Variants in HSD17B12 observed in about 807,000 individuals in gnomAD.
The protein encoded by HSD17B12 is hydroxysteroid 17-beta dehydrogenase 12, also known as very-long-chain 3-oxoacyl-CoA reductase.
In HSD17B12, 32 loss-of-function variants were observed where a neutral mutation model predicts 39.3. The ratio of observed to expected loss-of-function variants is 0.81; its 90% CI spans 0.61 to 1.09. HSD17B12 has a LOEUF of 1.09. Ranked by LOEUF, HSD17B12 falls within the 50% of genes least tolerant of loss-of-function variation. HSD17B12 has a pLI of 0.00. For missense variants in HSD17B12, 342 were observed against 382.9 expected (o/e 0.89, Z 0.89); for synonymous variants, 150 against 146.7 (o/e 1.02, Z -0.16).
chr11:43,669,825 G>A, the HSD17B12 span, among the ~76,000 whole-genome samples: 1 of 152,148 alleles, frequency 6.6e-6, no homozygotes, highest in African/African-American at 2.4e-5. Context: ...CATCTGCAAA[G>A]ACCTTATTTC....
chr11:43,765,901 T>G (rs1950591036), intron 3 of HSD17B12, among the ~76,000 whole-genome samples: 1 of 152,192 alleles, frequency 6.6e-6, no homozygotes, highest in South Asian at 2.1e-4. Flanking sequence ...TGGCACTATC[T>G]CGGCTCACTG....
the HSD17B12 span, among the ~76,000 whole-genome samples, chr11:43,579,997 G>A: frequency 6.6e-6 from 1 of 151,978 alleles, no homozygotes; most frequent in African/African-American, 2.4e-5. Flanking sequence ...TTCCCCCACT[G>A]GGGGACTATA....
At chr11:43,771,494 T>G (rs1471795825) in intron 3 of HSD17B12, among the ~76,000 whole-genome samples, 1 of 120,988 alleles carries the variant, frequency 8.3e-6, no homozygotes, top group African/African-American at 3.3e-5. Context: ...TGAGACAGAG[T>G]ATCGCTCTGT....
chr11:43,843,976 T>C (rs186834904), intron 9 of HSD17B12, among the ~76,000 whole-genome samples: 1 of 152,354 alleles, frequency 6.6e-6, no homozygotes, highest in African/African-American at 2.4e-5. Context: ...ACTCTGGTTG[T>C]GCATGGTCAA....
chr11:43,706,808 T>C (rs1950020772), intron 1 of HSD17B12, among the ~76,000 whole-genome samples: 2 of 151,988 alleles, frequency 1.3e-5, no homozygotes, highest in African/African-American at 4.8e-5. Context: ...ACACTTCCTG[T>C]GTTTAAGGTA....
At chr11:43,608,126 T>C in the HSD17B12 span, among the ~76,000 whole-genome samples, 1 of 152,140 alleles carries the variant, frequency 6.6e-6, no homozygotes, top group Non-Finnish European at 1.5e-5. Context: ...CCCAATACTT[T>C]GGGAGGCTGA....
the HSD17B12 span, among the ~76,000 whole-genome samples, chr11:43,671,599 A>C: frequency 1.3e-5 from 2 of 152,268 alleles, no homozygotes; most frequent in Non-Finnish European, 2.9e-5. Flanking sequence ...AATAAAGAAA[A>C]CCAGTTAATG....
chr11:43,594,881 T>G, the HSD17B12 span, among the ~76,000 whole-genome samples: 1 of 151,792 alleles, frequency 6.6e-6, no homozygotes, highest in Admixed American at 6.6e-5. Flanking sequence ...ATTTAAACAT[T>G]TCTTTTTCCT....
the HSD17B12 span, chr11:43,584,518 T>A: frequency 6.6e-6 from 1 of 152,406 alleles, no homozygotes; most frequent in Admixed American, 6.5e-5. Flanking sequence ...ATTCTCCTTC[T>A]GAGACAGCAG....
chr11:43,824,114 G>A (rs1951209584), intron 6 of HSD17B12, among the ~76,000 whole-genome samples: 1 of 152,120 alleles, frequency 6.6e-6, no homozygotes, highest in South Asian at 2.1e-4. Flanking sequence ...CTACATGGCA[G>A]CAAGTGACTA....
the HSD17B12 span, among the ~76,000 whole-genome samples, chr11:43,664,737 G>A: frequency 1.3e-5 from 2 of 152,208 alleles, no homozygotes; most frequent in Non-Finnish European, 2.9e-5. Flanking sequence ...TCCCTAAGAG[G>A]GGTCCCTGCT....
At chr11:43,609,688 T>C in the HSD17B12 span, among the ~76,000 whole-genome samples, 1 of 152,096 alleles carries the variant, frequency 6.6e-6, no homozygotes, top group African/African-American at 2.4e-5. Flanking sequence ...CGGCAGATCC[T>C]ACACCCTGTC....
intron 3 of HSD17B12, among the ~76,000 whole-genome samples, chr11:43,773,215 T>G (rs1419537746): frequency 6.6e-6 from 1 of 152,228 alleles, no homozygotes; most frequent in Non-Finnish European, 1.5e-5. Context: ...AAATATTTTG[T>G]GGTTTATTTA....
chr11:43,613,560 G>T, the HSD17B12 span, among the ~76,000 whole-genome samples: 1 of 151,842 alleles, frequency 6.6e-6, no homozygotes, highest in Non-Finnish European at 1.5e-5. Context: ...ATTGAAAAGT[G>T]ATAACTTTCT....
chr11:43,595,350 T>C, the HSD17B12 span, among the ~76,000 whole-genome samples: 1 of 152,262 alleles, frequency 6.6e-6, no homozygotes, highest in East Asian at 1.9e-4. Context: ...GTCTAACAGA[T>C]AGTTTTGAAA....
In HSD17B12 at chr11:43,680,983, G is replaced by A; in HGVS notation, c.156G>A (p.Trp52Ter). 3 of 1,597,744 alleles carry A rather than the reference G, an allele frequency of 1.9e-6. No individual in the cohort carries two copies. Among genetic ancestry groups the A allele is most frequent in the Non-Finnish European group, 2.6e-6 (3 of 1,169,784 alleles). ...EAGVGPGLGE[W>*]AVVTGSTDGI... ...GGGTCGGCCCGGGGCTCGGAGAATG[G>A]GCAGGTGAGTCGGATGCAGCGCCGC... is the stretch of plus-strand genomic sequence containing the variant. Residue 52 changes from tryptophan (W) to a stop codon, truncating the protein, a stop_gained, in exon 1 of 11, where the codon TGG (tryptophan) becomes TGA (stop). Coordinates refer to ENST00000278353, the MANE Select transcript of HSD17B12 (RefSeq NM_016142.3). LOFTEE classifies it high-confidence loss of function.
intron 1 of HSD17B12, among the ~76,000 whole-genome samples, chr11:43,702,724 A>T (rs1003096333): frequency 9.8e-5 from 15 of 152,308 alleles, no homozygotes; most frequent in African/African-American, 3.6e-4. Context: ...ATCTGCGGCC[A>T]ATGGGCCACA....
intron 1 of HSD17B12, among the ~76,000 whole-genome samples, chr11:43,741,925 A>G (rs1950368966): frequency 6.7e-6 from 1 of 149,022 alleles, no homozygotes; most frequent in Non-Finnish European, 1.5e-5. Context: ...TAGTAGAGAC[A>G]GGGTTTCACC....
rs766392042 is a variant in HSD17B12, at chr11:43,854,809, T to A, written c.779T>A (p.Ile260Asn). The A allele has an allele frequency of 1.9e-6, 3 of 1,614,210 alleles. No homozygotes were observed. The highest frequency in any genetic ancestry group is 2.5e-6 in the Non-Finnish European group (3 of 1,180,022). ...PSPETFVKSA[I>N]KTVGLQSRTN... ...CCGGAGACGTTTGTGAAGTCTGCAA[T>A]TAAAACAGTCGGCCTGCAATCCCGA... is the stretch of plus-strand genomic sequence containing the variant. The change falls in exon 10 of 11, where the codon ATT becomes AAT. Residue 260 changes from isoleucine (I) to asparagine (N), a missense_variant. Physicochemically the swap from Ile to Asn is moderately radical, Grantham distance 149 (BLOSUM62 -3). Coordinates refer to ENST00000278353, the MANE Select transcript of HSD17B12 (RefSeq NM_016142.3).
Sources: gnomAD v4.1 joint callset for allele counts (sites outside exome capture counted in the v4.1 genomes callset) on GRCh38, gnomAD v4.1.1 for gene constraint, MANE v1.5 for transcripts, NCBI Gene and HGNC (gene_info 2026-07-23, HGNC 2026-07-21) for gene names.